N4BP2L2: variants seen among roughly 807,000 people sequenced by gnomAD.
N4BP2L2 encodes the protein NEDD4 binding protein 2 like 2.
In N4BP2L2, 50 loss-of-function variants were observed where a neutral mutation model predicts 56.2. The observed-to-expected ratio is 0.89, with a 90% CI of 0.71 to 1.13. N4BP2L2 has a LOEUF of 1.13. Ranked by LOEUF, N4BP2L2 falls within the 50% of genes most tolerant of loss-of-function variation. The pLI, the probability that N4BP2L2 is intolerant of heterozygous loss-of-function variation, is 0.00. For synonymous variants in N4BP2L2, 203 were observed against 223.6 expected (o/e 0.91, Z 0.82); for missense variants, 689 against 693.8 (o/e 0.99, Z 0.08).
At chr13:32,484,950 C>CATTTAT (rs1199718706) in intron 6 of N4BP2L2, among the ~76,000 whole-genome samples, 1 of 152,142 alleles carries the variant, frequency 6.6e-6, no homozygotes, top group Admixed American at 6.5e-5. Context: ...CATAAGAACA[C>CATTTAT]ATTTATAAAG....
At chr13:32,531,078 T>C (rs1448066161) in intron 2 of N4BP2L2, among the ~76,000 whole-genome samples, 1 of 152,004 alleles carries the variant, frequency 6.6e-6, no homozygotes, top group African/African-American at 2.4e-5. Flanking sequence ...AGGAACTCAG[T>C]CCTGTCAACA....
At chr13:32,442,988 G>A (rs1593413556) in exon 7 of N4BP2L2, 1 of 1,613,516 alleles carries the variant, frequency 6.2e-7, no homozygotes, top group African/African-American at 1.3e-5. Context: ...TTTGTTAACA[G>A]GTCACATTTC....
intron 9 of N4BP2L2, among the ~76,000 whole-genome samples, chr13:32,433,816 A>G (rs1194454411): frequency 6.7e-6 from 1 of 149,242 alleles, no homozygotes; most frequent in East Asian, 2.1e-4. Context: ...CTGTAATTCC[A>G]GCTACTTGGG....
intron 6 of N4BP2L2, among the ~76,000 whole-genome samples, chr13:32,461,613 T>G (rs1462976411): frequency 6.6e-6 from 1 of 152,050 alleles, no homozygotes; most frequent in Non-Finnish European, 1.5e-5. Context: ...GCTATTATTA[T>G]TATTTAGAGA....
At chr13:32,442,313 A>G in intron 7 of N4BP2L2, 1 of 1,248,780 alleles carries the variant, frequency 8.0e-7, no homozygotes, top group Non-Finnish European at 1.1e-6. Context: ...ACTAACCACC[A>G]GGTAGAAACA....
At chr13:32,487,497 GA>G (rs975318574) in intron 6 of N4BP2L2, among the ~76,000 whole-genome samples, 4 of 148,560 alleles carry the variant, frequency 2.7e-5, no homozygotes, top group East Asian at 2.0e-4. Flanking sequence ...AAAAAGAAAA[GA>G]AAAAAAAGTA....
chr13:32,517,089 A>G (rs991244926), exon 6 of N4BP2L2: 33 of 979,734 alleles, frequency 3.4e-5, no homozygotes, highest in Non-Finnish European at 4.0e-5. Flanking sequence ...AACAGAGAGA[A>G]GTAAAACATT....
At chr13:32,481,541 T>C (rs1760715426) in intron 6 of N4BP2L2, among the ~76,000 whole-genome samples, 1 of 152,260 alleles carries the variant, frequency 6.6e-6, no homozygotes, top group Non-Finnish European at 1.5e-5. Flanking sequence ...CTCCCCCAAA[T>C]TGAGTAGTAT....
intron 6 of N4BP2L2, among the ~76,000 whole-genome samples, chr13:32,470,874 C>A (rs2082166295): frequency 6.6e-6 from 1 of 152,190 alleles, no homozygotes; most frequent in South Asian, 2.1e-4. Context: ...AGACCCTAAG[C>A]CTTCACTGTT....
chr13:32,474,391 A>T (rs1379573855), intron 6 of N4BP2L2, among the ~76,000 whole-genome samples: 2 of 152,098 alleles, frequency 1.3e-5, no homozygotes, highest in Non-Finnish European at 2.9e-5. Context: ...AATACATATG[A>T]TAGAAATGTA....
At chr13:32,508,478 CGA>C (rs953609492), downstream of N4BP2L2, 26 of 152,090 alleles carry the variant, frequency 1.7e-4, no homozygotes, top group Non-Finnish European at 2.2e-4. Flanking sequence ...AATAAACAAA[CGA>C]GAGAGGATGG....
At chr13:32,477,744 C>T (rs1379994152) in intron 6 of N4BP2L2, 2 of 563,472 alleles carry the variant, frequency 3.5e-6, no homozygotes, top group Non-Finnish European at 5.4e-6. Context: ...GAACCTTGAG[C>T]CTAAGTGGTA....
chr13:32,437,624 C>T (rs1403843216), intron 8 of N4BP2L2, among the ~76,000 whole-genome samples: 3 of 152,188 alleles, frequency 2.0e-5, no homozygotes, highest in Non-Finnish European at 2.9e-5. Context: ...AGAATAGTTA[C>T]GTCTGTCACT....
At chr13:32,521,134 A>G (rs1194407627) in intron 5 of N4BP2L2, among the ~76,000 whole-genome samples, 1 of 152,168 alleles carries the variant, frequency 6.6e-6, no homozygotes, top group Admixed American at 6.5e-5. Context: ...AAGATAGAAA[A>G]GTGGGAGCAA....
rs145533464 is a variant in N4BP2L2 at position 32,447,689 on chromosome 13, G to GA, written c.366-3564dup. Among the ~76,000 whole-genome samples, 1,282 of 151,462 alleles carry GA rather than the reference G, an allele frequency of 8.5e-3. 8 individuals are homozygous for GA. Among genetic ancestry groups the GA allele is most frequent in the African/African-American group, 0.017 (707 of 41,334 alleles). Reference sequence around the variant, plus strand: ...TCATTAAAAAAGAGTTCAGAAAGTGGAAAAAAAAGAGGGCTTCTCTAATAC... The same window carrying GA: ...TCATTAAAAAAGAGTTCAGAAAGTGGAAAAAAAAAGAGGGCTTCTCTAATAC... On this transcript the variant is annotated intron_variant, in intron 6 of 9. Transcript: ENST00000357505.
chr13:32,445,671 G>C (rs1399480981), intron 6 of N4BP2L2, among the ~76,000 whole-genome samples: 1 of 152,328 alleles, frequency 6.6e-6, no homozygotes, highest in Non-Finnish European at 1.5e-5. Flanking sequence ...AGAATGACTG[G>C]TAATGTGTTA....
chr13:32,456,673 A>G (rs35442516), intron 6 of N4BP2L2, among the ~76,000 whole-genome samples: 2 of 152,214 alleles, frequency 1.3e-5, no homozygotes, highest in Admixed American at 1.3e-4. Flanking sequence ...TTCACCAGAG[A>G]TAGATATCAT....
intron 6 of N4BP2L2, among the ~76,000 whole-genome samples, chr13:32,491,436 T>C (rs184229572): frequency 1.6e-3 from 241 of 151,298 alleles, no homozygotes; most frequent in African/African-American, 5.6e-3. Flanking sequence ...ATAATGCCTT[T>C]TGATGGGCTG....
At chr13:32,480,946 C>G (rs2084537097) in intron 6 of N4BP2L2, among the ~76,000 whole-genome samples, 1 of 151,590 alleles carries the variant, frequency 6.6e-6, no homozygotes, top group Admixed American at 6.6e-5. Context: ...TGGTGAAACT[C>G]CTTCTCTACT....
Sources: allele counts gnomAD v4.1 joint callset (sites outside exome capture counted in the v4.1 genomes callset), GRCh38; gene constraint gnomAD v4.1.1; transcripts MANE v1.5; gene names NCBI Gene and HGNC (gene_info 2026-07-23, HGNC 2026-07-21).